Variants in CEP44 observed in about 807,000 individuals in gnomAD.
CEP44 encodes the protein centrosomal protein 44.
In CEP44, 45 loss-of-function variants were observed where a neutral mutation model predicts 46.7. That is an observed-to-expected ratio of 0.96 (90% confidence interval 0.76 to 1.24). The LOEUF (loss-of-function observed/expected upper bound fraction) is 1.24, where lower values mean the gene tolerates loss of function less well. Among genes scored for constraint, CEP44 ranks in the 50% most tolerant of loss-of-function variants. The pLI, the probability that CEP44 is intolerant of heterozygous loss-of-function variation, is 0.00. For synonymous variants in CEP44, 142 were observed against 146.0 expected, an observed-to-expected ratio of 0.97 and a Z score of 0.20; for missense variants, 475 against 459.7, an observed-to-expected ratio of 1.03 and a Z score of -0.30.
Position 174,287,692 on chromosome 4 carries a change from A to G in CEP44, c.-148+3749A>G, listed in dbSNP as rs1199802686. Among the ~76,000 whole-genome samples, 4 of 152,192 alleles carry G rather than the reference A, an allele frequency of 2.6e-5. No individual in the cohort carries two copies. Among genetic ancestry groups the G allele is most frequent in the Non-Finnish European group, 5.9e-5 (4 of 68,024 alleles). On this transcript the variant is annotated intron_variant, in intron 1 of 11. Transcript: ENST00000503780. This position sits in a 1 kb window ranked among gnomAD's most constrained non-coding sequence, Gnocchi z 5.1. ...ATGATTTACATGTATTAACTTATTA[A>G]TACACGAAGATCAAAAAGTGACCAA...
Position 174,288,813 on chromosome 4 carries a change from T to C in CEP44, c.-148+4870T>C, listed in dbSNP as rs1480539254. ...TAGGAGAGGCTAAAGTAGGCAACCT[T>C]GCCTTGTTCCTCATCTTATGGGGAA... On this transcript the variant is annotated intron_variant, in intron 1 of 11. Transcript: ENST00000503780. This position sits in a 1 kb window ranked among gnomAD's most constrained non-coding sequence, Gnocchi z 4.6. 2.0e-5 allele frequency among the ~76,000 whole-genome samples: 3 copies of C among 152,182 alleles called. No homozygotes were observed. The highest frequency in any genetic ancestry group is 4.4e-5 in the Non-Finnish European group (3 of 68,010).
At chr4:174,293,133 T>G (rs1055010599) in intron 1 of CEP44, among the ~76,000 whole-genome samples, 2 of 152,214 alleles carry the variant, frequency 1.3e-5, no homozygotes, top group Non-Finnish European at 2.9e-5. Flanking sequence ...AGGTCTGCGG[T>G]TGTGGGCCTG....
At position 174,310,103 on chromosome 4, in the gene CEP44, GT is replaced by G. The variant is rs3215171; in HGVS notation, c.885+56del. On this transcript the variant is annotated intron_variant, in intron 8 of 11. Coordinates refer to ENST00000503780, the MANE Select transcript of CEP44 (RefSeq NM_001040157.3). The surrounding 1 kb of genome is among the most constrained non-coding windows in gnomAD (Gnocchi z 4.2). ...TATAAAATATCTCAGATATAACAAA[GT>G]TTTTTTTTGATTGTTATATGTGTAT... 8.2e-5 allele frequency: 125 copies of G among 1,516,778 alleles called. No homozygotes were observed. The highest frequency in any genetic ancestry group is 1.7e-4 in the East Asian group (7 of 42,072). The allele number at this position is 1,516,778 out of a possible 1,614,324, so 94.0% of individuals were successfully genotyped here. A position where few individuals can be genotyped will look rare whatever the true frequency, so the allele number is the denominator to read the frequency against.
At position 174,288,548 on chromosome 4, in the gene CEP44, A is replaced by G. The variant is rs1443221637; in HGVS notation, c.-148+4605A>G. Among the ~76,000 whole-genome samples, 1 of 152,060 alleles carries G rather than the reference A, an allele frequency of 6.6e-6. No individual in the cohort carries two copies. Among genetic ancestry groups the G allele is most frequent in the Non-Finnish European group, 1.5e-5 (1 of 67,992 alleles). On this transcript the variant is annotated intron_variant, in intron 1 of 11. Transcript: ENST00000503780. The surrounding 1 kb of genome is among the most constrained non-coding windows in gnomAD (Gnocchi z 4.6). ...GTATTTGTCTTTTTGTGTTTAGCTT[A>G]TTTCACTTAGCATAATGTCCTTCAG...
In CEP44 at chr4:174,288,929, G is replaced by C. The variant is rs538218188; in HGVS notation, c.-148+4986G>C. On this transcript the variant is annotated intron_variant, in intron 1 of 11. Transcript: ENST00000503780. The surrounding 1 kb of genome is among the most constrained non-coding windows in gnomAD (Gnocchi z 4.6). ...TTTTCCTTTACCTAATTTGCTATAA[G>C]GTTCTTCCATACCTAGTTTATTGGG... Among the ~76,000 whole-genome samples, 21 of 152,168 alleles carry C rather than the reference G, an allele frequency of 1.4e-4. No homozygotes were observed. Among genetic ancestry groups the C allele is most frequent in the African/African-American group, 4.6e-4 (19 of 41,540 alleles).
At chr4:174,284,664 A>G (rs1299708962) in intron 1 of CEP44, among the ~76,000 whole-genome samples, 6 of 152,122 alleles carry the variant, frequency 3.9e-5, no homozygotes, top group Non-Finnish European at 5.9e-5. Flanking sequence ...TGAACACAGC[A>G]GTCCCGTTGA....
chr4:174,321,938 A>G (rs1742347666), downstream of CEP44, among the ~76,000 whole-genome samples: 1 of 152,128 alleles, frequency 6.6e-6, no homozygotes, highest in East Asian at 1.9e-4. Flanking sequence ...CTTAAACTTT[A>G]CCCAATCAAT....
intron 10 of CEP44, 74 bp from the exon 11 acceptor site, chr4:174,316,456 G>T: frequency 7.1e-7 from 1 of 1,414,420 alleles, no homozygotes. Flanking sequence ...ACTGTGTTTT[G>T]TACATTCTCG....
Position 174,319,431 on chromosome 4 carries a change from A to G in CEP44, c.*2048A>G. The G allele has an allele frequency of 8.1e-6, 8 of 981,940 alleles. No individual in the cohort carries two copies. Among genetic ancestry groups the G allele is most frequent in the Non-Finnish European group, 9.7e-6 (8 of 826,724 alleles). 60.8% of individuals were successfully genotyped at this position (981,940 alleles called of 1,614,324 possible). A position where few individuals can be genotyped will look rare whatever the true frequency, so the allele number is the denominator to read the frequency against. ...AAGTGATTTCCCATCAAACAGGATA[A>G]TATTTTTTCCCTTTTGAAAAATTCA... On this transcript the variant is annotated 3_prime_UTR_variant, in exon 12 of 12. Transcript: ENST00000503780.
chr4:174,298,702 C>T (rs1739362452), intron 2 of CEP44, among the ~76,000 whole-genome samples: 1 of 151,994 alleles, frequency 6.6e-6, no homozygotes, highest in African/African-American at 2.4e-5. Flanking sequence ...TGTTATGTAG[C>T]TTCTATAAGC....
At position 174,291,782 on chromosome 4, in the gene CEP44, C is replaced by CTTTTTTTTTT. The variant is rs1208425482; in HGVS notation, c.-147-6180_-147-6179insTTTTTTTTTT. 1.2e-3 allele frequency among the ~76,000 whole-genome samples: 95 copies of CTTTTTTTTTT among 81,600 alleles called. 2 individuals are homozygous for CTTTTTTTTTT. The highest frequency in any genetic ancestry group is 3.5e-3 in the South Asian group (8 of 2,308). The allele number at this position is 81,600 out of a possible 152,430, so 53.5% of individuals were successfully genotyped here. ...GTTTTCTTTATTCTTTTATCTTTTT[C>CTTTTTTTTTT]TTTTCTTTTTTTTTTTTTTTTTTTT... On this transcript the variant is annotated intron_variant, in intron 1 of 11. Transcript: ENST00000503780.
At chr4:174,285,652 A>G (rs989412209) in intron 1 of CEP44, 2 of 152,230 alleles carry the variant, frequency 1.3e-5, no homozygotes, top group Non-Finnish European at 2.9e-5. Flanking sequence ...TGGAAGGACT[A>G]AAGGAAGTCT....
rs144562706 is a variant in CEP44 at position 174,284,365 on chromosome 4, G to A, written c.-148+422G>A. ...TGGTAGCTCATCCTATCAGAATTAG[G>A]TTGTGACTTAGGGTTGGAAAGTTAT... is the stretch of plus-strand genomic sequence containing the variant. On this transcript the variant is annotated intron_variant, in intron 1 of 11. Coordinates refer to ENST00000503780, the MANE Select transcript of CEP44 (RefSeq NM_001040157.3). The A allele has an allele frequency of 4.3e-3, 1,147 of 267,636 alleles. 5 individuals are homozygous for A. Among genetic ancestry groups the A allele is most frequent in the Middle Eastern group, 0.011 (11 of 962 alleles). 16.6% of individuals were successfully genotyped at this position (267,636 alleles called of 1,614,324 possible).
rs1321254635 is a variant in CEP44, at chr4:174,311,078, T to C, written c.961+220T>C. Among the ~76,000 whole-genome samples the C allele has an allele frequency of 6.6e-6, 1 of 152,002 alleles. No homozygotes were observed. The highest frequency in any genetic ancestry group is 1.5e-5 in the Non-Finnish European group (1 of 67,896). On this transcript the variant is annotated intron_variant, in intron 9 of 11. Coordinates refer to ENST00000503780, the MANE Select transcript of CEP44 (RefSeq NM_001040157.3). The surrounding 1 kb of genome is among the most constrained non-coding windows in gnomAD (Gnocchi z 4.4). ...GGTGAATAAATTTCAGTGTACAAAA[T>C]TGAAAATTTTTAGAGATATTTTACT... is the stretch of plus-strand genomic sequence containing the variant.
rs936755549 is a variant in CEP44 at position 174,317,473 on chromosome 4, A to G, written c.*90A>G. The G allele has an allele frequency of 8.2e-5, 103 of 1,251,494 alleles. No individual in the cohort carries two copies. Among genetic ancestry groups the G allele is most frequent in the Admixed American group, 1.2e-4 (4 of 32,288 alleles). The allele number at this position is 1,251,494 out of a possible 1,614,324, so 77.5% of individuals were successfully genotyped here. On this transcript the variant is annotated 3_prime_UTR_variant, in exon 12 of 12. Transcript: ENST00000503780. ...CTTTATACAATTTTAATATACTGCAATACTGCAGTTTTTGACAATTTGGAT... is the reference window on the plus strand; with the variant it reads ...CTTTATACAATTTTAATATACTGCAGTACTGCAGTTTTTGACAATTTGGAT...
rs1330367066 is a variant in CEP44, at chr4:174,312,135, A to G, written c.961+1277A>G. Among the ~76,000 whole-genome samples, 2 of 152,150 alleles carry G rather than the reference A, an allele frequency of 1.3e-5. No homozygotes were observed. The highest frequency in any genetic ancestry group is 4.8e-5 in the African/African-American group (2 of 41,434). On this transcript the variant is annotated intron_variant, in intron 9 of 11. Transcript: ENST00000503780. This position sits in a 1 kb window ranked among gnomAD's most constrained non-coding sequence, Gnocchi z 4.5. ...AGAGTTTAAATATTTATTCACTGAAAGAATATTGAATGCTTGTGATTTGCA... is the reference window on the plus strand; with the variant it reads ...AGAGTTTAAATATTTATTCACTGAAGGAATATTGAATGCTTGTGATTTGCA...
chr4:174,291,155 ATAAT>A (rs1408670558), intron 1 of CEP44, among the ~76,000 whole-genome samples: 3 of 152,072 alleles, frequency 2.0e-5, no homozygotes, highest in Non-Finnish European at 2.9e-5. Context: ...ATAATTTTTA[ATAAT>A]TAAGTACTTA....
chr4:174,304,107 A>T, intron 5 of CEP44, 140 bp from the exon 6 acceptor site: 1 of 1,086,228 alleles, frequency 9.2e-7, no homozygotes. Context: ...CTTAGTTTTT[A>T]AAAGTCATGT....
chr4:174,330,521 A>C (rs1408850194), intron 8 of CEP44, among the ~76,000 whole-genome samples: 1 of 152,046 alleles, frequency 6.6e-6, no homozygotes, highest in Admixed American at 6.6e-5. Flanking sequence ...TGATACATGT[A>C]ATTTTTATTC....
Sources: allele counts gnomAD v4.1 joint callset (sites outside exome capture counted in the v4.1 genomes callset), GRCh38; gene constraint gnomAD v4.1.1; non-coding constraint Gnocchi (gnomAD v3.1); transcripts MANE v1.5; gene names NCBI Gene and HGNC (gene_info 2026-07-23, HGNC 2026-07-21).